Variants in ANKRD12 observed in about 807,000 individuals in gnomAD.
ANKRD12 encodes ankyrin repeat domain 12, also known as ankyrin repeat domain-containing protein 12.
A neutral mutation model predicts 183.4 loss-of-function variants in ANKRD12; 85 were observed. The ratio of observed to expected loss-of-function variants is 0.46; its 90% CI spans 0.39 to 0.56. The LOEUF is 0.56. ANKRD12 is among the 20% of genes least tolerant of loss of function. The pLI is 0.00. For synonymous variants in ANKRD12, 914 were observed against 800.2 expected, an observed-to-expected ratio of 1.14 and a Z score of -2.40; for missense variants, 2,405 against 2,357.1, an observed-to-expected ratio of 1.02 and a Z score of -0.42.
At chr18:9,163,355 G>A (rs2031668390) in intron 1 of ANKRD12, among the ~76,000 whole-genome samples, 1 of 152,056 alleles carries the variant, frequency 6.6e-6, no homozygotes, top group African/African-American at 2.4e-5. Flanking sequence ...ATGATTGTGG[G>A]TGTGCCATCT....
chr18:9,263,194 G>A (rs910544438), intron 9 of ANKRD12, among the ~76,000 whole-genome samples: 3 of 152,126 alleles, frequency 2.0e-5, no homozygotes, highest in African/African-American at 7.2e-5. Flanking sequence ...TGGGTTTGTA[G>A]TGTAATTTGA....
In ANKRD12 at chr18:9,258,499, A is replaced by C. The variant is rs1185998001; in HGVS notation, c.5232A>C (p.Ala1744=). The C allele has an allele frequency of 2.5e-6, 4 of 1,613,814 alleles. No homozygotes were observed. The highest frequency in any genetic ancestry group is 3.4e-6 in the Non-Finnish European group (4 of 1,179,932). ...RMTRNKANTM[A]NQSKQILASC... ...CTAGAAACAAAGCAAATACAATGGC[A>C]AATCAAAGCAAACAGATTCTTGCTA... The change falls in exon 9 of 13, where the codon GCA becomes GCC. Residue 1744 remains alanine (A), a synonymous_variant. Transcript: ENST00000262126.
chr18:9,211,797 A>G lies in ANKRD12; in HGVS notation c.652+13A>G, dbSNP rs1190715256. The G allele has an allele frequency of 6.3e-7, 1 of 1,597,148 alleles. No individual in the cohort carries two copies. Among genetic ancestry groups the G allele is most frequent in the African/African-American group, 1.3e-5 (1 of 74,504 alleles). On this transcript the variant is annotated intron_variant, in intron 6 of 12. Transcript: ENST00000262126. ...AAAGATTTTGCAGGTAAGACTAGTAATTCAATACCTACTATTCAGGCACTA... is the reference window on the plus strand; with the variant it reads ...AAAGATTTTGCAGGTAAGACTAGTAGTTCAATACCTACTATTCAGGCACTA...
chr18:9,274,948 C>T (rs1415698123), intron 10 of ANKRD12, among the ~76,000 whole-genome samples: 2 of 151,962 alleles, frequency 1.3e-5, no homozygotes, highest in African/African-American at 4.8e-5. Flanking sequence ...TTTGGGAGGC[C>T]GAGAGGGGAG....
intron 9 of ANKRD12, 147 bp downstream of exon 9, chr18:9,259,078 G>C: frequency 1.0e-6 from 1 of 989,024 alleles, no homozygotes; most frequent in South Asian, 2.4e-5. Flanking sequence ...AGCTAGTAAC[G>C]TTCTTGTTTC....
chr18:9,264,167 A>G (rs1567992832), intron 10 of ANKRD12, among the ~76,000 whole-genome samples: 1 of 152,218 alleles, frequency 6.6e-6, no homozygotes, highest in Non-Finnish European at 1.5e-5. Flanking sequence ...GTAGATTCCT[A>G]GTGGAACATT....
At chr18:9,268,173 A>G (rs8088005) in intron 10 of ANKRD12, among the ~76,000 whole-genome samples, 33,522 of 151,452 alleles carry the variant, frequency 0.22, 4,296 homozygotes, top group African/African-American at 0.35. Context: ...ATTCACAGCC[A>G]GATTCTACCA....
chr18:9,187,147 C>A, intron 2 of ANKRD12, among the ~76,000 whole-genome samples: 1 of 151,982 alleles, frequency 6.6e-6, no homozygotes, highest in East Asian at 1.9e-4. Context: ...AGAAATGAGG[C>A]TGGGCATGGT....
chr18:9,206,174 G>A (rs2035473494), intron 4 of ANKRD12, among the ~76,000 whole-genome samples: 1 of 151,924 alleles, frequency 6.6e-6, no homozygotes, highest in Non-Finnish European at 1.5e-5. Context: ...AAAATCCCTA[G>A]GCTGTCTGAA....
intron 8 of ANKRD12, among the ~76,000 whole-genome samples, chr18:9,252,557 A>G (rs1213796126): frequency 5.9e-5 from 9 of 152,262 alleles, no homozygotes; most frequent in Admixed American, 5.9e-4. Flanking sequence ...TAAAAGAACC[A>G]TTAGAAAAAA....
chr18:9,194,607 G>C (rs1379782241), intron 2 of ANKRD12, among the ~76,000 whole-genome samples: 1 of 152,016 alleles, frequency 6.6e-6, no homozygotes, highest in African/African-American at 2.4e-5. Flanking sequence ...TACCCATGCT[G>C]TGGCCTCCCA....
At chr18:9,141,297 T>C (rs1364629657) in intron 1 of ANKRD12, among the ~76,000 whole-genome samples, 1 of 152,152 alleles carries the variant, frequency 6.6e-6, no homozygotes, top group African/African-American at 2.4e-5. Context: ...TGGTTGTTCA[T>C]ATAATATGAG....
rs1425653395 is a variant in ANKRD12, at chr18:9,285,201, TC to T, written c.*4077del. On this transcript the variant is annotated 3_prime_UTR_variant, in exon 13 of 13. Transcript: ENST00000262126. ...TCCAGCCTGGGCGACAGAGCGAGAC[TC>T]CGTCTCAAAAAAAAAAAAAAAGAAA... is the stretch of plus-strand genomic sequence containing the variant. 1.5e-5 allele frequency: 2 copies of T among 137,828 alleles called. No individual in the cohort carries two copies. The highest frequency in any genetic ancestry group is 5.5e-5 in the African/African-American group (2 of 36,286). The allele number at this position is 137,828 out of a possible 1,614,324, so 8.5% of individuals were successfully genotyped here. A position where few individuals can be genotyped will look rare whatever the true frequency, so the allele number is the denominator to read the frequency against.
intron 1 of ANKRD12, among the ~76,000 whole-genome samples, chr18:9,163,993 C>A (rs1396921837): frequency 2.6e-5 from 4 of 152,150 alleles, no homozygotes; most frequent in Non-Finnish European, 5.9e-5. Context: ...ATTTGACTTT[C>A]TCTCTTCCTA....
chr18:9,168,385 C>T (rs1275386245), intron 1 of ANKRD12, among the ~76,000 whole-genome samples: 1 of 152,136 alleles, frequency 6.6e-6, no homozygotes, highest in Non-Finnish European at 1.5e-5. Flanking sequence ...TGATTATTGC[C>T]TCAATTTCAG....
chr18:9,224,264 AAC>A (rs1387815231), intron 8 of ANKRD12, among the ~76,000 whole-genome samples: 3 of 152,228 alleles, frequency 2.0e-5, no homozygotes, highest in Non-Finnish European at 4.4e-5. Context: ...AAAAATGATA[AAC>A]ACAGAGCAGA....
At chr18:9,195,187 G>A (rs1405485607) in intron 2 of ANKRD12, among the ~76,000 whole-genome samples, 1 of 152,148 alleles carries the variant, frequency 6.6e-6, no homozygotes, top group Non-Finnish European at 1.5e-5. Context: ...CTTGAGGGTG[G>A]AGGGTGGGAG....
rs146946584 is a variant in ANKRD12 at position 9,172,819 on chromosome 18, G to A, written c.-51-9563G>A. Among the ~76,000 whole-genome samples, 97 of 151,924 alleles carry A rather than the reference G, an allele frequency of 6.4e-4. 1 individual carries two copies. The East Asian group carries it at 0.014, about 22-fold the overall frequency. On this transcript the variant is annotated intron_variant, in intron 1 of 12. Coordinates refer to ENST00000262126, the MANE Select transcript of ANKRD12 (RefSeq NM_015208.5). ...CACTCTGGCTTTTTGAGTTTTCAGCGTTTTTTGCATTATTTCTCATCTTTG... is the reference window on the plus strand; with the variant it reads ...CACTCTGGCTTTTTGAGTTTTCAGCATTTTTTGCATTATTTCTCATCTTTG...
chr18:9,223,565 T>G (rs1464623544), intron 8 of ANKRD12, among the ~76,000 whole-genome samples: 4 of 152,234 alleles, frequency 2.6e-5, no homozygotes, highest in Non-Finnish European at 5.9e-5. Flanking sequence ...AAAAGATAAT[T>G]TTGTGGTAAT....
Sources: gnomAD v4.1 joint callset for allele counts (sites outside exome capture counted in the v4.1 genomes callset) on GRCh38, gnomAD v4.1.1 for gene constraint, MANE v1.5 for transcripts, NCBI Gene and HGNC (gene_info 2026-07-23, HGNC 2026-07-21) for gene names.